MTX2: variants seen among roughly 807,000 people sequenced by gnomAD.
MTX2 encodes metaxin 2.
A neutral mutation model predicts 42.3 loss-of-function variants in MTX2; 35 were observed. The ratio of observed to expected loss-of-function variants is 0.83; its 90% confidence interval spans 0.63 to 1.10. MTX2 has a LOEUF of 1.10. MTX2 is among the 50% of genes least tolerant of loss of function. MTX2 has a pLI of 0.00. For synonymous variants in MTX2, 119 were observed against 100.9 expected (o/e 1.18, Z -1.08); for missense variants, 307 against 304.1 (o/e 1.01, Z -0.07).
intron 3 of MTX2, among the ~76,000 whole-genome samples, chr2:176,317,742 C>T (rs1016139234): frequency 6.6e-6 from 1 of 152,216 alleles, no homozygotes; most frequent in East Asian, 1.9e-4. Flanking sequence ...TATACTTACC[C>T]TTAACTTTGC....
rs564535384 is a variant in MTX2, at chr2:176,277,033, CA to C, written c.40+7365del. 2.4e-4 allele frequency among the ~76,000 whole-genome samples: 37 copies of C among 152,198 alleles called. No individual in the cohort carries two copies. The South Asian group carries it at 7.7e-3, about 32-fold the overall frequency. On this transcript the variant is annotated intron_variant, in intron 1 of 9. Transcript: ENST00000249442. ...AAATTTATTAATAACTTCATTTAAG[CA>C]GTAGCATTAATTTATAGTATGAGCT...
At chr2:176,301,632 GATCGACA>G in intron 3 of MTX2, among the ~76,000 whole-genome samples, 1 of 152,242 alleles carries the variant, frequency 6.6e-6, no homozygotes, top group South Asian at 2.1e-4. Flanking sequence ...AGGAAGTCTG[GATCGACA>G]GTCCACACTC....
At chr2:176,326,028 T>C (rs1467907579) in intron 4 of MTX2, among the ~76,000 whole-genome samples, 3 of 151,746 alleles carry the variant, frequency 2.0e-5, no homozygotes, top group Non-Finnish European at 3.0e-5. Flanking sequence ...GTGTGAACTC[T>C]ATTTGAACTA....
intron 5 of MTX2, 23 bp from the exon 6 acceptor site, chr2:176,328,270 A>G: frequency 1.4e-6 from 2 of 1,469,836 alleles, no homozygotes; most frequent in East Asian, 4.7e-5. Context: ...ATGTTCTTTT[A>G]AATTTTTTTA....
At chr2:176,306,444 C>G (rs1370258701) in intron 3 of MTX2, among the ~76,000 whole-genome samples, 1 of 152,166 alleles carries the variant, frequency 6.6e-6, no homozygotes, top group East Asian at 1.9e-4. Context: ...ATTGCTGGCT[C>G]AAATGGTAAT....
intron 1 of MTX2, among the ~76,000 whole-genome samples, chr2:176,282,436 T>G (rs1351841586): frequency 6.6e-6 from 1 of 152,018 alleles, no homozygotes; most frequent in Non-Finnish European, 1.5e-5. Context: ...TTAGGGATGT[T>G]AGGTTTTTGG....
At chr2:176,281,262 A>C (rs1246122174) in intron 1 of MTX2, among the ~76,000 whole-genome samples, 1 of 152,140 alleles carries the variant, frequency 6.6e-6, no homozygotes, top group African/African-American at 2.4e-5. Context: ...TCTCTCACTC[A>C]TGATGTCTGG....
chr2:176,286,587 T>A (rs2105403679), intron 1 of MTX2, among the ~76,000 whole-genome samples: 1 of 152,012 alleles, frequency 6.6e-6, no homozygotes, highest in African/African-American at 2.4e-5. Flanking sequence ...TTCGCTCTGG[T>A]TGCCCAGGCT....
intron 1 of MTX2, among the ~76,000 whole-genome samples, chr2:176,273,496 T>A (rs1187289242): frequency 6.6e-6 from 1 of 152,234 alleles, no homozygotes; most frequent in African/African-American, 2.4e-5. Flanking sequence ...ACACTTTGCT[T>A]ATTACCTTTC....
chr2:176,315,666 A>C (rs892896665), intron 3 of MTX2, among the ~76,000 whole-genome samples: 1 of 152,164 alleles, frequency 6.6e-6, no homozygotes, highest in African/African-American at 2.4e-5. Context: ...ATTACCTATA[A>C]GGTCCTAAAT....
At chr2:176,300,705 C>G (rs1010571301) in intron 3 of MTX2, among the ~76,000 whole-genome samples, 3 of 151,950 alleles carry the variant, frequency 2.0e-5, no homozygotes, top group Admixed American at 2.0e-4. Context: ...GTATCTGTTT[C>G]AAAAAACAGC....
chr2:176,326,464 A>G (rs902167175), intron 4 of MTX2, among the ~76,000 whole-genome samples: 2 of 151,718 alleles, frequency 1.3e-5, no homozygotes, highest in Non-Finnish European at 1.5e-5. Context: ...TCTTTGAAAT[A>G]TATCAGTGGT....
At chr2:176,281,607 C>G (rs1693078761) in intron 1 of MTX2, among the ~76,000 whole-genome samples, 1 of 152,052 alleles carries the variant, frequency 6.6e-6, no homozygotes, top group Non-Finnish European at 1.5e-5. Context: ...CAGTGCCAGC[C>G]CAGATTCAAG....
intron 3 of MTX2, among the ~76,000 whole-genome samples, chr2:176,306,736 T>A (rs1036329512): frequency 3.9e-5 from 6 of 152,210 alleles, no homozygotes; most frequent in Non-Finnish European, 7.3e-5. Context: ...TTCATATCCT[T>A]TGCTCACTTT....
At chr2:176,309,111 C>CA (rs1320579158) in intron 3 of MTX2, among the ~76,000 whole-genome samples, 1 of 152,124 alleles carries the variant, frequency 6.6e-6, no homozygotes, top group Non-Finnish European at 1.5e-5. Flanking sequence ...TTATTGGTTT[C>CA]AAAGAACATC....
At chr2:176,290,307 A>G (rs1016979848) in intron 1 of MTX2, among the ~76,000 whole-genome samples, 1 of 152,120 alleles carries the variant, frequency 6.6e-6, no homozygotes, top group Non-Finnish European at 1.5e-5. Flanking sequence ...CATTCTCCTC[A>G]CTAATTCATG....
intron 1 of MTX2, among the ~76,000 whole-genome samples, chr2:176,284,245 A>C (rs768813153): frequency 6.6e-6 from 1 of 152,260 alleles, no homozygotes; most frequent in Non-Finnish European, 1.5e-5. Context: ...ATGTCCAGCT[A>C]TGATGGATTA....
In MTX2 at chr2:176,306,926, C is replaced by T. The variant is rs560949763; in HGVS notation, c.135+9031C>T. 2.8e-3 allele frequency among the ~76,000 whole-genome samples: 432 copies of T among 152,064 alleles called. 1 individual carries two copies. The highest frequency in any genetic ancestry group is 8.8e-3 in the African/African-American group (365 of 41,502). Reference sequence around the variant, plus strand: ...CTTTAGTTTAATTAGATCCCATTTGCCTATTTTGGCTTTTGTTGCCATTGT... The same window carrying T: ...CTTTAGTTTAATTAGATCCCATTTGTCTATTTTGGCTTTTGTTGCCATTGT... On this transcript the variant is annotated intron_variant, in intron 3 of 9. Transcript: ENST00000249442.
intron 9 of MTX2, among the ~76,000 whole-genome samples, chr2:176,330,867 A>T (rs1684846857): frequency 6.6e-6 from 1 of 151,138 alleles, no homozygotes; most frequent in Non-Finnish European, 1.5e-5. Context: ...ATCATTAAGA[A>T]TTTCTCTTAA....
Sources: gnomAD v4.1 joint callset for allele counts (sites outside exome capture counted in the v4.1 genomes callset) on GRCh38, gnomAD v4.1.1 for gene constraint, MANE v1.5 for transcripts, NCBI Gene and HGNC (gene_info 2026-07-23, HGNC 2026-07-21) for gene names.